RNF128: variants seen among roughly 807,000 people sequenced by gnomAD.
RNF128 encodes the protein ring finger protein 128, also known as E3 ubiquitin-protein ligase RNF128.
RNF128 carries 13 observed loss-of-function variants against 26.2 expected under a neutral mutation model. That is an observed-to-expected ratio of 0.50 (90% CI 0.32 to 0.79). The LOEUF is 0.79. Among genes scored for constraint, RNF128 ranks in the 30% least tolerant of loss-of-function variants. RNF128 has a pLI of 0.03. For missense variants in RNF128, 315 were observed against 349.7 expected (o/e 0.90, Z 0.79); for synonymous variants, 149 against 142.5 (o/e 1.05, Z -0.32).
At chrX:106,711,228 G>T (rs891163934) in intron 1 of RNF128, among the ~76,000 whole-genome samples, 5 of 111,824 alleles carry the variant, frequency 4.5e-5, no homozygotes, top group African/African-American at 1.6e-4. Context: ...GAGTGGAAAT[G>T]CACTTTTGCA....
intron 1 of RNF128, among the ~76,000 whole-genome samples, chrX:106,747,272 A>T (rs1929807494): frequency 8.9e-6 from 1 of 111,830 alleles, no homozygotes; most frequent in Non-Finnish European, 1.9e-5. Context: ...CAAAGTACAG[A>T]TTTAGAAAGA....
intron 1 of RNF128, among the ~76,000 whole-genome samples, chrX:106,756,616 C>A (rs1418179536): frequency 3.7e-5 from 4 of 109,283 alleles, no homozygotes; most frequent in East Asian, 2.8e-4. Flanking sequence ...AAACGTTAGA[C>A]CTAAAACCAT....
chrX:106,754,768 C>A (rs1379929861), intron 1 of RNF128, among the ~76,000 whole-genome samples: 1 of 109,782 alleles, frequency 9.1e-6, no homozygotes, highest in Non-Finnish European at 1.9e-5. Flanking sequence ...TGTAACAAAA[C>A]CTATGAGATA....
At chrX:106,738,374 A>G (rs1301800843) in intron 1 of RNF128, among the ~76,000 whole-genome samples, 1 of 111,929 alleles carries the variant, frequency 8.9e-6, no homozygotes, top group African/African-American at 3.2e-5. Flanking sequence ...ACTACTAAAC[A>G]TAATACTTCT....
At chrX:106,788,373 T>TTATATATTATATATAA (rs1285104521) in intron 4 of RNF128, among the ~76,000 whole-genome samples, 1 of 44,405 alleles carries the variant, frequency 2.3e-5, no homozygotes, top group Non-Finnish European at 3.3e-5. Context: ...ATAATATATA[T>TTATATATTATATATAA]TATATATTAT....
intron 1 of RNF128, among the ~76,000 whole-genome samples, chrX:106,719,758 A>C (rs1388795863): frequency 9.1e-6 from 1 of 109,616 alleles, no homozygotes; most frequent in Non-Finnish European, 1.9e-5. Context: ...TTAGTTGAGA[A>C]AGAAGAAACA....
At chrX:106,697,803 G>A (rs772656537) in intron 1 of RNF128, among the ~76,000 whole-genome samples, 4 of 110,442 alleles carry the variant, frequency 3.6e-5, no homozygotes, top group Non-Finnish European at 7.6e-5. Flanking sequence ...ATAATTGGAG[G>A]TAAACTTCTA....
Position 106,695,714 on chromosome X carries a change from G to T in RNF128, c.406+1306G>T, listed in dbSNP as rs1338689281. 2.7e-5 allele frequency among the ~76,000 whole-genome samples: 3 copies of T among 111,772 alleles called. No individual in the cohort carries two copies. In the Admixed American group the frequency reaches 2.9e-4, roughly 11 times the overall value. On this transcript the variant is annotated intron_variant, in intron 1 of 6. Coordinates refer to the RNF128 transcript ENST00000324342. ...TAGAAAGAAACTAATGCCATTTTCT[G>T]ATAAAACTTAGGAATTAAATCTGTT... is the stretch of plus-strand genomic sequence containing the variant.
chrX:106,738,537 A>T (rs1217065189), intron 1 of RNF128, among the ~76,000 whole-genome samples: 1 of 111,905 alleles, frequency 8.9e-6, no homozygotes, highest in Admixed American at 9.5e-5. Flanking sequence ...AACTGAAACG[A>T]CTATATTATC....
At chrX:106,695,812 A>G (rs1189855111) in intron 1 of RNF128, among the ~76,000 whole-genome samples, 1 of 111,991 alleles carries the variant, frequency 8.9e-6, no homozygotes, top group Non-Finnish European at 1.9e-5. Context: ...GCATGAACAC[A>G]TTCTACTTAT....
chrX:106,782,790 A>G (rs974966874), intron 2 of RNF128, among the ~76,000 whole-genome samples: 1 of 111,727 alleles, frequency 9.0e-6, no homozygotes, highest in Non-Finnish European at 1.9e-5. Flanking sequence ...CTACTTTGAT[A>G]TAACTCTGGA....
At chrX:106,743,224 AT>A (rs1345260395) in intron 1 of RNF128, among the ~76,000 whole-genome samples, 3 of 112,529 alleles carry the variant, frequency 2.7e-5, no homozygotes, top group Non-Finnish European at 5.6e-5. Flanking sequence ...CAATGATAAG[AT>A]TTAAGTTTTT....
At chrX:106,694,154 G>A (rs776358671) in exon 1 of RNF128, 4 of 1,211,132 alleles carry the variant, frequency 3.3e-6, no homozygotes, top group South Asian at 3.5e-5. Flanking sequence ...ACATGTGAAT[G>A]TGGCGTTTAT....
chrX:106,791,257 A>T (rs1358647231), intron 6 of RNF128, 23 bp downstream of exon 6: 2 of 1,187,422 alleles, frequency 1.7e-6, no homozygotes, highest in East Asian at 6.0e-5. Flanking sequence ...CTAAAGGTTA[A>T]CGAGTGCCCT....
chrX:106,752,920 C>T (rs1044426034), intron 1 of RNF128, among the ~76,000 whole-genome samples: 6 of 110,218 alleles, frequency 5.4e-5, no homozygotes, highest in African/African-American at 2.0e-4. Flanking sequence ...ATTGATATAC[C>T]GAAGAATGCA....
At chrX:106,792,237 T>C (rs1930839878) in intron 6 of RNF128, among the ~76,000 whole-genome samples, 1 of 110,538 alleles carries the variant, frequency 9.0e-6, no homozygotes, top group African/African-American at 3.3e-5. Flanking sequence ...CCAGATGATC[T>C]TGTACTCTCA....
chrX:106,776,411 G>C (rs144855229), intron 2 of RNF128, among the ~76,000 whole-genome samples: 119 of 111,960 alleles, frequency 1.1e-3, no homozygotes, highest in African/African-American at 3.7e-3. Context: ...AGAAGAAAAG[G>C]ATTTACTAAC....
chrX:106,784,666 A>G (rs893614301), intron 2 of RNF128, among the ~76,000 whole-genome samples: 5 of 111,784 alleles, frequency 4.5e-5, no homozygotes, highest in African/African-American at 1.6e-4. Context: ...TCCAAATCCT[A>G]TGCACTTTCC....
chrX:106,770,834 G>A (rs902371564), intron 1 of RNF128, among the ~76,000 whole-genome samples: 1 of 111,932 alleles, frequency 8.9e-6, no homozygotes, highest in African/African-American at 3.3e-5. Context: ...GAGGCGCTCT[G>A]ATTTTTAGAA....
Sources: allele counts gnomAD v4.1 joint callset (sites outside exome capture counted in the v4.1 genomes callset), GRCh38; gene constraint gnomAD v4.1.1; transcripts MANE v1.5; gene names NCBI Gene and HGNC (gene_info 2026-07-23, HGNC 2026-07-21).